Variants in ANKS1B observed in about 807,000 individuals in gnomAD.
ANKS1B encodes ankyrin repeat and sterile alpha motif domain-containing protein 1B.
In ANKS1B, 36 loss-of-function variants were observed where a neutral mutation model predicts 148.3. That is an observed-to-expected ratio of 0.24 (90% CI 0.19 to 0.32). The LOEUF (loss-of-function observed/expected upper bound fraction) is 0.32, where lower values mean the gene tolerates loss of function less well. Among genes scored for constraint, ANKS1B ranks in the 10% least tolerant of loss-of-function variants. The probability of loss-of-function intolerance (pLI) is 1.00; values close to 1 mark genes in which losing one functional copy is unlikely to be tolerated. For missense variants in ANKS1B, 1,157 were observed against 1,542.6 expected, an observed-to-expected ratio of 0.75 and a Z score of 4.19; for synonymous variants, 542 against 560.8, an observed-to-expected ratio of 0.97 and a Z score of 0.47.
At chr12:99,245,858 A>G (rs1267253152) in intron 13 of ANKS1B, among the ~76,000 whole-genome samples, 1 of 152,198 alleles carries the variant, frequency 6.6e-6, no homozygotes, top group Non-Finnish European at 1.5e-5. Flanking sequence ...TGAAGATTCT[A>G]AGGAGCTCTT....
chr12:99,939,004 C>T (rs748789631), intron 1 of ANKS1B, among the ~76,000 whole-genome samples: 5 of 152,154 alleles, frequency 3.3e-5, no homozygotes, highest in Non-Finnish European at 5.9e-5. Context: ...GATATAATAA[C>T]CACCTTTTCT....
intron 13 of ANKS1B, among the ~76,000 whole-genome samples, chr12:99,245,013 C>A (rs993679178): frequency 6.6e-6 from 1 of 152,156 alleles, no homozygotes; most frequent in African/African-American, 2.4e-5. Flanking sequence ...TGCCACCACA[C>A]CTGGCTAATT....
intron 15 of ANKS1B, among the ~76,000 whole-genome samples, chr12:99,143,369 T>C (rs961424310): frequency 3.3e-5 from 5 of 152,250 alleles, no homozygotes; most frequent in Middle Eastern, 6.8e-3. Context: ...TTTTAGATCA[T>C]ACACTCTCAA....
intron 11 of ANKS1B, among the ~76,000 whole-genome samples, chr12:99,426,757 G>C (rs1371415615): frequency 6.6e-6 from 1 of 152,160 alleles, no homozygotes; most frequent in Non-Finnish European, 1.5e-5. Flanking sequence ...AGAAGGGCTA[G>C]AGACCCTTAT....
At chr12:99,015,726 C>T (rs960882945) in intron 17 of ANKS1B, among the ~76,000 whole-genome samples, 2 of 152,004 alleles carry the variant, frequency 1.3e-5, no homozygotes, top group South Asian at 2.1e-4. Flanking sequence ...ATTAGCCTGG[C>T]GTGGTGGCAG....
intron 9 of ANKS1B, among the ~76,000 whole-genome samples, chr12:99,525,927 A>C (rs78826229): frequency 0.025 from 3,870 of 152,146 alleles, 80 homozygotes; most frequent in South Asian, 0.088. Context: ...CAAATATAAC[A>C]AAGGGTTAAT....
intron 9 of ANKS1B, among the ~76,000 whole-genome samples, chr12:99,578,102 A>C (rs1455097492): frequency 9.9e-5 from 15 of 152,156 alleles, no homozygotes; most frequent in African/African-American, 3.4e-4. Flanking sequence ...CCACAAACAG[A>C]AGTAAAAATA....
chr12:99,423,921 A>G (rs2095173768), intron 11 of ANKS1B, among the ~76,000 whole-genome samples: 1 of 152,054 alleles, frequency 6.6e-6, no homozygotes, highest in African/African-American at 2.4e-5. Context: ...AATAATCTGT[A>G]TAACCCCCCC....
chr12:98,854,267 G>A (rs1008612486), intron 17 of ANKS1B, among the ~76,000 whole-genome samples: 2 of 152,176 alleles, frequency 1.3e-5, no homozygotes, highest in African/African-American at 2.4e-5. Context: ...AACCAGCCAC[G>A]GGTGGGAATA....
chr12:99,327,197 A>G (rs1180198773), intron 12 of ANKS1B, among the ~76,000 whole-genome samples: 1 of 112,580 alleles, frequency 8.9e-6, no homozygotes, highest in African/African-American at 3.9e-5. Context: ...ATAATTATAT[A>G]ATATATTATC....
intron 2 of ANKS1B, among the ~76,000 whole-genome samples, chr12:99,824,222 A>C (rs1794521528): frequency 6.6e-6 from 1 of 152,170 alleles, no homozygotes; most frequent in Non-Finnish European, 1.5e-5. Context: ...AAAAGACTAA[A>C]GTGAGGGCCA....
At chr12:99,501,611 G>A (rs1354520910) in intron 10 of ANKS1B, among the ~76,000 whole-genome samples, 1 of 152,130 alleles carries the variant, frequency 6.6e-6, no homozygotes, top group African/African-American at 2.4e-5. Context: ...GATTACCTCT[G>A]ATTCCTCTAA....
intron 17 of ANKS1B, among the ~76,000 whole-genome samples, chr12:98,935,002 C>T (rs2099817159): frequency 6.6e-6 from 1 of 152,000 alleles, no homozygotes; most frequent in Non-Finnish European, 1.5e-5. Flanking sequence ...CTAGGACTCC[C>T]AGTATTATGT....
chr12:99,923,319 G>C lies in ANKS1B; in HGVS notation c.134+60785C>G, dbSNP rs141124540. On this transcript the variant is annotated intron_variant, in intron 1 of 26. Transcript: ENST00000683438. ...GAACAAAGGAGTAAGAGCATTCTAG[G>C]AAGGAGAAATGGCATATGCAAAGGC... is the stretch of plus-strand genomic sequence containing the variant. Among the ~76,000 whole-genome samples the C allele has an allele frequency of 5.6e-3, 858 of 152,308 alleles. 4 individuals are homozygous for C. The highest frequency in any genetic ancestry group is 0.012 in the South Asian group (58 of 4,830).
At chr12:99,880,280 C>A (rs2153736158) in intron 1 of ANKS1B, among the ~76,000 whole-genome samples, 1 of 152,184 alleles carries the variant, frequency 6.6e-6, no homozygotes, top group Non-Finnish European at 1.5e-5. Context: ...TATCACCGTG[C>A]CAATTTTATA....
chr12:98,871,396 C>T (rs985045860), intron 17 of ANKS1B, among the ~76,000 whole-genome samples: 1 of 152,016 alleles, frequency 6.6e-6, no homozygotes, highest in African/African-American at 2.4e-5. Context: ...CATAAGAGTA[C>T]AAAATATGAA....
intron 9 of ANKS1B, among the ~76,000 whole-genome samples, chr12:99,625,409 T>C (rs767942349): frequency 1.3e-5 from 2 of 152,262 alleles, no homozygotes; most frequent in Middle Eastern, 3.4e-3. Context: ...TTAAAAAAAC[T>C]GTACATAGCA....
chr12:99,577,050 TA>T (rs1400254346), intron 9 of ANKS1B, among the ~76,000 whole-genome samples: 1 of 151,802 alleles, frequency 6.6e-6, no homozygotes, highest in Non-Finnish European at 1.5e-5. Context: ...ACTAAAAAAA[TA>T]AAAGTAATAC....
intron 10 of ANKS1B, among the ~76,000 whole-genome samples, chr12:99,490,833 A>T (rs1202126852): frequency 6.6e-6 from 1 of 152,228 alleles, no homozygotes; most frequent in Non-Finnish European, 1.5e-5. Flanking sequence ...ATGAATTAGT[A>T]AGTCTGCAGT....
Sources: gnomAD v4.1 joint callset for allele counts (sites outside exome capture counted in the v4.1 genomes callset) on GRCh38, gnomAD v4.1.1 for gene constraint, MANE v1.5 for transcripts, NCBI Gene and HGNC (gene_info 2026-07-23, HGNC 2026-07-21) for gene names.